PIGK: variants seen among roughly 807,000 people sequenced by gnomAD.
PIGK encodes phosphatidylinositol glycan anchor biosynthesis class K.
Under a neutral mutation model 50.6 loss-of-function variants are expected in PIGK, and 42 were observed. That is an observed-to-expected ratio of 0.83 (90% CI 0.65 to 1.07). The LOEUF is 1.07. Among genes scored for constraint, PIGK ranks in the 50% least tolerant of loss-of-function variants. PIGK has a pLI of 0.00. For missense variants in PIGK, 448 were observed against 488.7 expected (o/e 0.92, Z 0.78); for synonymous variants, 151 against 156.0 (o/e 0.97, Z 0.24).
At chr1:77,191,522 T>C (rs954187349) in intron 3 of PIGK, among the ~76,000 whole-genome samples, 20 of 152,206 alleles carry the variant, frequency 1.3e-4, no homozygotes, top group Non-Finnish European at 2.6e-4. Context: ...CTTGACCACA[T>C]CCTGAATTAT....
chr1:77,207,466 G>A (rs1318474941), intron 2 of PIGK, among the ~76,000 whole-genome samples: 1 of 152,124 alleles, frequency 6.6e-6, no homozygotes, highest in Non-Finnish European at 1.5e-5. Context: ...TTTATTGTGA[G>A]AAACGTAGGA....
chr1:77,216,891 A>G (rs1295851679), intron 1 of PIGK, among the ~76,000 whole-genome samples: 2 of 152,168 alleles, frequency 1.3e-5, no homozygotes, highest in Non-Finnish European at 2.9e-5. Context: ...AAAAATTTAG[A>G]TGGCAAAACT....
chr1:77,185,292 G>C (rs1655713121), intron 3 of PIGK, among the ~76,000 whole-genome samples: 1 of 152,006 alleles, frequency 6.6e-6, no homozygotes, highest in Non-Finnish European at 1.5e-5. Flanking sequence ...GATCCTTTTT[G>C]CTTCCATAAG....
rs763628349 is a variant in PIGK at position 77,092,366 on chromosome 1, C to T, written c.*8G>A. 7 of 1,234,890 alleles carry T rather than the reference C, an allele frequency of 5.7e-6. No individual in the cohort carries two copies. Among genetic ancestry groups the T allele is most frequent in the African/African-American group, 1.5e-5 (1 of 66,270 alleles). 76.5% of individuals were successfully genotyped at this position (1,234,890 alleles called of 1,614,324 possible). On this transcript the variant is annotated 3_prime_UTR_variant, in exon 11 of 11. Transcript: ENST00000370812. The stretch of plus-strand genomic sequence containing the variant: ...AGTCCTCCATGCATTCTTCATTCAT[C>T]ATCAAGTCTAAAAAATGAACTTCAT...
chr1:77,189,205 T>C (rs1358740131), intron 3 of PIGK, among the ~76,000 whole-genome samples: 2 of 152,206 alleles, frequency 1.3e-5, no homozygotes, highest in Non-Finnish European at 1.5e-5. Context: ...CAAAGGATAG[T>C]TGTATTATGT....
chr1:77,140,413 T>C (rs1654624268), intron 9 of PIGK, among the ~76,000 whole-genome samples: 1 of 151,938 alleles, frequency 6.6e-6, no homozygotes, highest in Non-Finnish European at 1.5e-5. Flanking sequence ...TGTTCCCCAT[T>C]TGCCCTCTAC....
intron 8 of PIGK, among the ~76,000 whole-genome samples, chr1:77,156,053 C>T (rs942710176): frequency 4.0e-5 from 6 of 151,154 alleles, no homozygotes; most frequent in African/African-American, 9.7e-5. Flanking sequence ...CAAGGAAACA[C>T]AAAGAAGGAC....
chr1:77,189,738 TATATATATATAC>T (rs1257346387), intron 3 of PIGK, among the ~76,000 whole-genome samples: 107 of 31,926 alleles, frequency 3.4e-3, no homozygotes, highest in South Asian at 5.5e-3. Context: ...TATATATATA[TATATATATATAC>T]ACACACACAC....
intron 3 of PIGK, among the ~76,000 whole-genome samples, chr1:77,184,553 T>A (rs1655697040): frequency 6.6e-6 from 1 of 152,232 alleles, no homozygotes; most frequent in Non-Finnish European, 1.5e-5. Flanking sequence ...TACTGGACAC[T>A]GGCTCTGAGC....
intron 10 of PIGK, among the ~76,000 whole-genome samples, chr1:77,094,244 C>G (rs542904687): frequency 6.6e-6 from 1 of 152,268 alleles, no homozygotes; most frequent in South Asian, 2.1e-4. Flanking sequence ...AGTTTAAAAG[C>G]ACTGACCTAG....
chr1:77,144,333 T>G (rs1163208955), intron 9 of PIGK, among the ~76,000 whole-genome samples: 1 of 151,738 alleles, frequency 6.6e-6, no homozygotes, highest in Non-Finnish European at 1.5e-5. Flanking sequence ...TCAGAATTTA[T>G]TTTTCCATAT....
chr1:77,197,407 C>T (rs1003517326), intron 3 of PIGK, among the ~76,000 whole-genome samples: 1 of 152,122 alleles, frequency 6.6e-6, no homozygotes, highest in Non-Finnish European at 1.5e-5. Context: ...AATTGTCTTA[C>T]GTAATAATAG....
intron 1 of PIGK, among the ~76,000 whole-genome samples, chr1:77,212,410 A>C (rs1359329535): frequency 6.6e-6 from 1 of 152,178 alleles, no homozygotes; most frequent in Admixed American, 6.5e-5. Flanking sequence ...GGAACATACT[A>C]CTAGTCTGAA....
chr1:77,114,917 TAA>T (rs932392456), intron 10 of PIGK, among the ~76,000 whole-genome samples: 1 of 152,180 alleles, frequency 6.6e-6, no homozygotes, highest in Non-Finnish European at 1.5e-5. Context: ...TAAAGCAATA[TAA>T]GTCAGTCCTG....
intron 3 of PIGK, among the ~76,000 whole-genome samples, chr1:77,180,463 T>C (rs1655585794): frequency 1.3e-5 from 2 of 152,140 alleles, no homozygotes; most frequent in African/African-American, 4.8e-5. Context: ...GTATATACAA[T>C]AAATACTAGT....
intron 3 of PIGK, among the ~76,000 whole-genome samples, chr1:77,171,122 C>G (rs1006442889): frequency 6.6e-6 from 1 of 152,042 alleles, no homozygotes; most frequent in African/African-American, 2.4e-5. Context: ...ACTGAATTGA[C>G]CTCCAAATGG....
chr1:77,119,516 T>G (rs1023939277), intron 10 of PIGK, among the ~76,000 whole-genome samples: 11 of 152,232 alleles, frequency 7.2e-5, no homozygotes, highest in African/African-American at 2.7e-4. Flanking sequence ...ATTTTATTGT[T>G]CATAACTTGA....
chr1:77,214,015 G>A (rs1231734499), intron 1 of PIGK, among the ~76,000 whole-genome samples: 2 of 152,112 alleles, frequency 1.3e-5, no homozygotes, highest in East Asian at 3.9e-4. Flanking sequence ...GACTGAGGCT[G>A]AGTAATGCGC....
At chr1:77,189,175 T>C (rs1241604031) in intron 3 of PIGK, among the ~76,000 whole-genome samples, 2 of 152,236 alleles carry the variant, frequency 1.3e-5, no homozygotes, top group Non-Finnish European at 2.9e-5. Flanking sequence ...GGGTTTGGGA[T>C]TGATGTGTTT....
Sources: allele counts gnomAD v4.1 joint callset (sites outside exome capture counted in the v4.1 genomes callset), GRCh38; gene constraint gnomAD v4.1.1; transcripts MANE v1.5; gene names NCBI Gene and HGNC (gene_info 2026-07-23, HGNC 2026-07-21).